The following NLGN1 variants were observed in gnomAD, a reference collection of about 807,000 sequenced individuals.
The protein encoded by NLGN1 is neuroligin-1.
In NLGN1, 12 loss-of-function variants were observed where a neutral mutation model predicts 65.5. The observed-to-expected ratio is 0.18, with a 90% CI of 0.12 to 0.30. The LOEUF is 0.30. NLGN1 is among the 10% of genes least tolerant of loss of function. NLGN1 has a pLI of 1.00. For missense variants in NLGN1, 750 were observed against 1,007.1 expected (o/e 0.74, Z 3.46); for synonymous variants, 350 against 359.5 (o/e 0.97, Z 0.30).
intron 4 of NLGN1, among the ~76,000 whole-genome samples, chr3:174,259,940 T>TA (rs1213721284): frequency 2.9e-5 from 3 of 102,200 alleles, no homozygotes; most frequent in Non-Finnish European, 7.0e-5. Context: ...CGGTGTTTGG[T>TA]TTTTTGTTCT....
At chr3:174,156,467 G>A (rs1490916422) in intron 4 of NLGN1, among the ~76,000 whole-genome samples, 1 of 151,672 alleles carries the variant, frequency 6.6e-6, no homozygotes, top group Non-Finnish European at 1.5e-5. Flanking sequence ...TATTTGAATG[G>A]AACACTTGGA....
intron 2 of NLGN1, among the ~76,000 whole-genome samples, chr3:173,558,741 AC>A (rs1434728009): frequency 6.6e-6 from 1 of 152,152 alleles, no homozygotes; most frequent in African/African-American, 2.4e-5. Flanking sequence ...CTGTTCTGTT[AC>A]CTGGGCCATT....
chr3:174,066,516 GTCTCTCTCTCTC>G (rs373763421), intron 4 of NLGN1, among the ~76,000 whole-genome samples: 2,345 of 67,052 alleles, frequency 0.035, 83 homozygotes, highest in African/African-American at 0.099. Context: ...TATGGAACAA[GTCTCTCTCTCTC>G]TCTCTCTCTC....
At chr3:173,422,146 T>TATATACACACACAC (rs398063034) in intron 1 of NLGN1, among the ~76,000 whole-genome samples, 5 of 130,234 alleles carry the variant, frequency 3.8e-5, no homozygotes, top group African/African-American at 1.4e-4. Context: ...ACACTATATA[T>TATATACACACACAC]ACACACACAC....
At chr3:174,238,802 T>C (rs1742236105) in intron 4 of NLGN1, among the ~76,000 whole-genome samples, 1 of 152,328 alleles carries the variant, frequency 6.6e-6, no homozygotes, top group South Asian at 2.1e-4. Context: ...CCAATTCTTG[T>C]AGTAAATCAG....
At chr3:174,056,332 G>C (rs1372979406) in intron 4 of NLGN1, among the ~76,000 whole-genome samples, 1 of 151,662 alleles carries the variant, frequency 6.6e-6, no homozygotes, top group Admixed American at 6.6e-5. Flanking sequence ...TGTGATGTAG[G>C]CTGATTTTTT....
rs150374798 is a variant in NLGN1 at position 173,437,336 on chromosome 3, T to C, written c.-321+2258T>C. Among the ~76,000 whole-genome samples, 247 of 152,290 alleles carry C rather than the reference T, an allele frequency of 1.6e-3. 1 individual carries two copies. The highest frequency in any genetic ancestry group is 5.6e-3 in the African/African-American group (234 of 41,564). On this transcript the variant is annotated intron_variant, in intron 2 of 6. Transcript: ENST00000457714. Reference sequence around the variant, plus strand: ...ACTACTGCTTTCTGAGAGGACTTGGTCATCTACTGTAAAGACCTGATTACT... The same window carrying C: ...ACTACTGCTTTCTGAGAGGACTTGGCCATCTACTGTAAAGACCTGATTACT...
chr3:173,892,089 A>C (rs1579026748), intron 4 of NLGN1, among the ~76,000 whole-genome samples: 3 of 152,210 alleles, frequency 2.0e-5, no homozygotes, highest in Admixed American at 2.0e-4. Flanking sequence ...CTGATGCGTG[A>C]GAGAAGTCAT....
chr3:174,194,208 C>T (rs189601631), intron 4 of NLGN1, among the ~76,000 whole-genome samples: 1 of 152,204 alleles, frequency 6.6e-6, no homozygotes, highest in African/African-American at 2.4e-5. Context: ...CCTGTAATCC[C>T]AGCACTTTGG....
intron 4 of NLGN1, among the ~76,000 whole-genome samples, chr3:174,004,450 G>A (rs1156855052): frequency 6.6e-6 from 1 of 152,070 alleles, no homozygotes; most frequent in Non-Finnish European, 1.5e-5. Flanking sequence ...TCCATGTTGT[G>A]TAGTATCTTC....
intron 4 of NLGN1, among the ~76,000 whole-genome samples, chr3:174,019,379 C>T (rs1339062511): frequency 2.6e-5 from 4 of 152,238 alleles, no homozygotes; most frequent in South Asian, 2.1e-4. Flanking sequence ...TGACCTGGCT[C>T]ACTCTTGCCC....
intron 2 of NLGN1, among the ~76,000 whole-genome samples, chr3:173,566,218 T>C (rs769385374): frequency 6.6e-6 from 1 of 152,210 alleles, no homozygotes; most frequent in Non-Finnish European, 1.5e-5. Context: ...GTACATTTCA[T>C]GCATCATGGT....
At chr3:173,894,467 A>G (rs1000453016) in intron 4 of NLGN1, among the ~76,000 whole-genome samples, 1 of 152,210 alleles carries the variant, frequency 6.6e-6, no homozygotes, top group African/African-American at 2.4e-5. Context: ...TATGATTTAC[A>G]TAAATTGAAT....
intron 4 of NLGN1, among the ~76,000 whole-genome samples, chr3:174,080,069 GAA>G (rs914305283): frequency 1.3e-5 from 2 of 151,508 alleles, no homozygotes; most frequent in Non-Finnish European, 2.9e-5. Context: ...ATAAACAATG[GAA>G]AAAAAACTGT....
At chr3:173,675,270 C>T (rs186589181) in intron 3 of NLGN1, among the ~76,000 whole-genome samples, 2 of 152,136 alleles carry the variant, frequency 1.3e-5, no homozygotes, top group Non-Finnish European at 2.9e-5. Flanking sequence ...ACATCAATAA[C>T]ATATTCTTTT....
chr3:173,782,147 T>A (rs1320602178), intron 3 of NLGN1, among the ~76,000 whole-genome samples: 1 of 151,872 alleles, frequency 6.6e-6, no homozygotes, highest in African/African-American at 2.4e-5. Context: ...TAGGGAGGAA[T>A]AGGGCAAATT....
chr3:174,173,741 CTTTAA>C (rs138715172), intron 4 of NLGN1, among the ~76,000 whole-genome samples: 2,293 of 151,504 alleles, frequency 0.015, 54 homozygotes, highest in African/African-American at 0.053. Context: ...TTTCTCAGTT[CTTTAA>C]TTTAATCAGC....
intron 2 of NLGN1, among the ~76,000 whole-genome samples, chr3:173,546,508 A>G (rs1302572033): frequency 6.6e-6 from 1 of 152,200 alleles, no homozygotes; most frequent in Non-Finnish European, 1.5e-5. Context: ...TTAAATAAAA[A>G]TATATTGGTT....
At chr3:174,140,417 G>A (rs1722064962) in intron 4 of NLGN1, among the ~76,000 whole-genome samples, 1 of 151,956 alleles carries the variant, frequency 6.6e-6, no homozygotes, top group Non-Finnish European at 1.5e-5. Flanking sequence ...TATTTATTGA[G>A]CATATATTAT....
Sources: gnomAD v4.1 joint callset for allele counts (sites outside exome capture counted in the v4.1 genomes callset) on GRCh38, gnomAD v4.1.1 for gene constraint, MANE v1.5 for transcripts, NCBI Gene and HGNC (gene_info 2026-07-23, HGNC 2026-07-21) for gene names.